The following FAR1 variants were observed in gnomAD, a reference collection of about 807,000 sequenced individuals.
FAR1 encodes the protein fatty acyl-CoA reductase 1, also known as male sterility domain-containing protein 2.
FAR1 carries 22 observed loss-of-function variants against 61.1 expected under a neutral mutation model. That is an observed-to-expected ratio of 0.36 (90% confidence interval 0.26 to 0.51). The LOEUF is 0.51. Among genes scored for constraint, FAR1 ranks in the 20% least tolerant of loss-of-function variants. The pLI, the probability that FAR1 is intolerant of heterozygous loss-of-function variation, is 0.95. For missense variants in FAR1, 359 were observed against 626.9 expected (o/e 0.57, Z 4.56); for synonymous variants, 206 against 209.7 (o/e 0.98, Z 0.15).
intron 1 of FAR1, among the ~76,000 whole-genome samples, chr11:13,678,978 G>T (rs544922674): frequency 6.6e-6 from 1 of 152,146 alleles, no homozygotes; most frequent in African/African-American, 2.4e-5. Context: ...AATCTTGGGC[G>T]AAGCGGTATG....
At chr11:13,728,587 A>G in intron 11 of FAR1, 25 bp from the exon 12 acceptor site, 1 of 1,602,790 alleles carries the variant, frequency 6.2e-7, no homozygotes, top group Non-Finnish European at 8.5e-7. Context: ...ATACTGTCTA[A>G]CATATCTCTT....
At chr11:13,700,961 G>T (rs992652970) in intron 3 of FAR1, among the ~76,000 whole-genome samples, 1 of 151,970 alleles carries the variant, frequency 6.6e-6, no homozygotes, top group African/African-American at 2.4e-5. Context: ...AGTGCTAGGG[G>T]CAAGGTATGT....
At chr11:13,706,100 A>C (rs1236375555) in intron 3 of FAR1, among the ~76,000 whole-genome samples, 1 of 152,092 alleles carries the variant, frequency 6.6e-6, no homozygotes, top group Non-Finnish European at 1.5e-5. Context: ...TCCTTTGAAC[A>C]TTATTTTTCA....
chr11:13,697,057 CAT>C (rs1456735600), intron 2 of FAR1, among the ~76,000 whole-genome samples: 1 of 152,202 alleles, frequency 6.6e-6, no homozygotes, highest in Non-Finnish European at 1.5e-5. Context: ...TGTTTTTAGA[CAT>C]CACCAAATGT....
At chr11:13,669,736 C>G (rs187347920) in intron 1 of FAR1, 1 of 152,190 alleles carries the variant, frequency 6.6e-6, no homozygotes, top group African/African-American at 2.4e-5. Flanking sequence ...GCTGATCCTC[C>G]TCCTACACTC....
Position 13,732,285 on chromosome 11 carries a change from A to T in FAR1, c.*3511A>T, listed in dbSNP as rs922671018. 2.6e-5 allele frequency: 4 copies of T among 152,334 alleles called. No homozygotes were observed. The highest frequency in any genetic ancestry group is 9.6e-5 in the African/African-American group (4 of 41,584). The allele number at this position is 152,334 out of a possible 1,614,324, so 9.4% of individuals were successfully genotyped here. ...AACAAATCATCTTTGTCAGTTAAGT[A>T]TAGTTGCGCAAAAATTGTTAAATCC... On this transcript the variant is annotated 3_prime_UTR_variant, in exon 12 of 12. Coordinates refer to ENST00000354817, the MANE Select transcript of FAR1 (RefSeq NM_032228.6).
intron 1 of FAR1, among the ~76,000 whole-genome samples, chr11:13,673,435 T>A (rs954597817): frequency 3.3e-5 from 5 of 152,328 alleles, no homozygotes; most frequent in African/African-American, 1.2e-4. Flanking sequence ...TCAGAGAAGT[T>A]AGTAACTTTC....
intron 6 of FAR1, 60 bp downstream of exon 6, chr11:13,711,868 T>G: frequency 6.5e-7 from 1 of 1,543,332 alleles, no homozygotes. Flanking sequence ...TTGTATATCT[T>G]TAAATATATA....
At chr11:13,719,045 G>A (rs956143872) in intron 9 of FAR1, among the ~76,000 whole-genome samples, 6 of 152,232 alleles carry the variant, frequency 3.9e-5, no homozygotes, top group Middle Eastern at 6.8e-3. Context: ...ACCTAGCCTC[G>A]GAAGTCACAT....
At chr11:13,707,807 T>C (rs1466750013) in intron 3 of FAR1, 93 bp from the exon 4 acceptor site, 2 of 899,492 alleles carry the variant, frequency 2.2e-6, no homozygotes, top group East Asian at 3.2e-5. Flanking sequence ...AAAATTTCTC[T>C]GTCTCTCTAC....
chr11:13,711,740 C>T, intron 5 of FAR1, 24 bp from the exon 6 acceptor site: 2 of 1,548,806 alleles, frequency 1.3e-6, no homozygotes, highest in Admixed American at 3.6e-5. Flanking sequence ...AAGCTTCTCT[C>T]CCTTTTAAAA....
intron 5 of FAR1, 149 bp downstream of exon 5, chr11:13,711,019 AT>A (rs1404647109): frequency 2.6e-5 from 16 of 624,168 alleles, no homozygotes; most frequent in Non-Finnish European, 4.3e-5. Flanking sequence ...CATAGAGTTA[AT>A]TTTATTGGTA....
Position 13,711,697 on chromosome 11 carries a change from C to A in FAR1, c.724-67C>A. On this transcript the variant is annotated intron_variant, in intron 5 of 11. Coordinates refer to ENST00000354817, the MANE Select transcript of FAR1 (RefSeq NM_032228.6). ...AGTATATATTTGGGGTTGTAGAGTT[C>A]AAATAATAAATCTCTAGCTTCATAA... The A allele has an allele frequency of 3.3e-6, 4 of 1,223,946 alleles. No homozygotes were observed. In the South Asian group the frequency reaches 5.2e-5, roughly 16 times the overall value. The allele number at this position is 1,223,946 out of a possible 1,614,324, so 75.8% of individuals were successfully genotyped here. A position where few individuals can be genotyped will look rare whatever the true frequency, so the allele number is the denominator to read the frequency against.
intron 9 of FAR1, among the ~76,000 whole-genome samples, chr11:13,716,168 A>G (rs187506985): frequency 1.6e-3 from 241 of 152,288 alleles, no homozygotes; most frequent in African/African-American, 5.4e-3. Context: ...TATATTAATA[A>G]GGTTGTTATA....
At chr11:13,724,498 C>T (rs1161924164) in intron 10 of FAR1, among the ~76,000 whole-genome samples, 2 of 145,550 alleles carry the variant, frequency 1.4e-5, no homozygotes, top group Non-Finnish European at 3.0e-5. Context: ...TGCAGGGAGC[C>T]GAGATTGTGT....
Position 13,729,105 on chromosome 11 carries a change from T to C in FAR1, c.*331T>C, listed in dbSNP as rs1168312412. 1 of 171,932 alleles carries C rather than the reference T, an allele frequency of 5.8e-6. No homozygotes were observed. The highest frequency in any genetic ancestry group is 2.4e-5 in the African/African-American group (1 of 42,096). 10.7% of individuals were successfully genotyped at this position (171,932 alleles called of 1,614,324 possible). ...CTGTGCAATTCTGGAACATATTAAT[T>C]AAAATAATATGCCTTAACATATAGT... is the stretch of plus-strand genomic sequence containing the variant. On this transcript the variant is annotated 3_prime_UTR_variant, in exon 12 of 12. Coordinates refer to ENST00000354817, the MANE Select transcript of FAR1 (RefSeq NM_032228.6).
intron 10 of FAR1, among the ~76,000 whole-genome samples, chr11:13,725,334 G>T (rs1848658176): frequency 6.6e-6 from 1 of 151,836 alleles, no homozygotes; most frequent in Admixed American, 6.6e-5. Context: ...ATAACACTTG[G>T]CCTTTTAATT....
chr11:13,690,222 T>C (rs1325240560), intron 1 of FAR1, among the ~76,000 whole-genome samples: 1 of 152,146 alleles, frequency 6.6e-6, no homozygotes, highest in Non-Finnish European at 1.5e-5. Flanking sequence ...TTTTCTTGTT[T>C]GTTCAAGCCT....
chr11:13,668,814 G>A lies in FAR1; in HGVS notation c.-8+8G>A, dbSNP rs1847956982. On this transcript the variant is annotated splice_region_variant and intron_variant, in intron 1 of 11. Transcript: ENST00000354817. ...CTGAGCCTCTGCGTCTAGGTGAGAA[G>A]GGGGTGCGCCAGCGGGAGCGGCCGG... is the stretch of plus-strand genomic sequence containing the variant. 6.5e-6 allele frequency: 1 copy of A among 153,726 alleles called. No homozygotes were observed. Among genetic ancestry groups the A allele is most frequent in the African/African-American group, 2.4e-5 (1 of 41,474 alleles). 9.5% of individuals were successfully genotyped at this position (153,726 alleles called of 1,614,324 possible).
Sources: allele counts gnomAD v4.1 joint callset (sites outside exome capture counted in the v4.1 genomes callset), GRCh38; gene constraint gnomAD v4.1.1; transcripts MANE v1.5; gene names NCBI Gene and HGNC (gene_info 2026-07-23, HGNC 2026-07-21).